Variants in H2BC12 observed in about 807,000 individuals in gnomAD.
H2BC12 encodes the protein H2B clustered histone 12.
In H2BC12, 6 loss-of-function variants were observed where a neutral mutation model predicts 6.3. That is an observed-to-expected ratio of 0.95 (90% CI 0.52 to 1.87). The LOEUF is 1.87. Among genes scored for constraint, H2BC12 ranks in the 40% most tolerant of loss-of-function variants. The pLI is 0.01. For missense variants in H2BC12, 119 were observed against 178.4 expected (o/e 0.67, Z 1.90); for synonymous variants, 132 against 78.5 (o/e 1.68, Z -3.60).
At chr6:27,145,432 G>A (rs1033076898), downstream of H2BC12, among the ~76,000 whole-genome samples, 2 of 151,610 alleles carry the variant, frequency 1.3e-5, no homozygotes, top group African/African-American at 4.8e-5. Flanking sequence ...CTTTCACTTG[G>A]TTCTTCCAAA....
chr6:27,143,076 G>A (rs1212533667), downstream of H2BC12, among the ~76,000 whole-genome samples: 5 of 152,194 alleles, frequency 3.3e-5, no homozygotes, highest in African/African-American at 7.2e-5. Flanking sequence ...GGCCCAGTGC[G>A]GTGGCTCACT....
chr6:27,139,863 G>C, the H2BC12 span: 8 of 592,780 alleles, frequency 1.3e-5, no homozygotes, highest in Non-Finnish European at 2.2e-5. Context: ...TCTGGCGGCT[G>C]CCTGGAAATT....
downstream of H2BC12, among the ~76,000 whole-genome samples, chr6:27,142,985 A>G (rs1340073038): frequency 6.6e-6 from 1 of 152,114 alleles, no homozygotes; most frequent in East Asian, 1.9e-4. Flanking sequence ...ACTGGCTTTC[A>G]GACACATACA....
chr6:27,139,474 C>A, the H2BC12 span: 1 of 1,614,054 alleles, frequency 6.2e-7, no homozygotes, highest in African/African-American at 1.3e-5. Context: ...TGAGGAGACC[C>A]GCGGAGTGTT....
chr6:27,139,202 GA>G, the H2BC12 span: 2 of 1,284,426 alleles, frequency 1.6e-6, no homozygotes, highest in Non-Finnish European at 2.1e-6. Context: ...AATGCAGAGG[GA>G]CTTCCCGCCA....
At chr6:27,144,602 T>G (rs905011700), downstream of H2BC12, among the ~76,000 whole-genome samples, 2 of 151,956 alleles carry the variant, frequency 1.3e-5, no homozygotes, top group Non-Finnish European at 2.9e-5. Flanking sequence ...ACAAATGCAC[T>G]TCCAGAATTT....
In H2BC12 at chr6:27,146,808, G is replaced by C; in HGVS notation, c.-10C>G. ...TCGCTGGTTCCGGCATGTTGAAGGCGAACTACGAGCCTGAGACGAGCAGCA... is the reference window on the plus strand; with the variant it reads ...TCGCTGGTTCCGGCATGTTGAAGGCCAACTACGAGCCTGAGACGAGCAGCA... On this transcript the variant is annotated 5_prime_UTR_variant, in exon 1 of 1. Transcript: ENST00000356950. 1 of 1,613,278 alleles carries C rather than the reference G, an allele frequency of 6.2e-7. No individual in the cohort carries two copies. Among genetic ancestry groups the C allele is most frequent in the Non-Finnish European group, 8.5e-7 (1 of 1,179,576 alleles).
chr6:27,139,372 G>A, the H2BC12 span: 1 of 1,614,216 alleles, frequency 6.2e-7, no homozygotes, highest in Non-Finnish European at 8.5e-7. Flanking sequence ...CCACCGCAAG[G>A]TGCTGCGCGA....
the H2BC12 span, chr6:27,139,863 GC>G: frequency 1.7e-6 from 1 of 592,898 alleles, no homozygotes; most frequent in Non-Finnish European, 2.8e-6. Flanking sequence ...TCTGGCGGCT[GC>G]CTGGAAATTG....
At chr6:27,141,892 T>C (rs1760010824), downstream of H2BC12, among the ~76,000 whole-genome samples, 4 of 152,198 alleles carry the variant, frequency 2.6e-5, no homozygotes, top group Admixed American at 2.6e-4. Flanking sequence ...TTCTGCTCAT[T>C]GAGTGTCTTA....
At chr6:27,140,514 G>A in the H2BC12 span, among the ~76,000 whole-genome samples, 1 of 151,916 alleles carries the variant, frequency 6.6e-6, no homozygotes, top group Non-Finnish European at 1.5e-5. Context: ...TCATTTCTCT[G>A]TTGATTTTTT....
chr6:27,139,408 G>A, the H2BC12 span: 1 of 1,614,246 alleles, frequency 6.2e-7, no homozygotes, highest in Non-Finnish European at 8.5e-7. Context: ...CACCAAGCCA[G>A]CCATTCGGCG....
chr6:27,142,644 T>TG (rs1287903704), downstream of H2BC12, among the ~76,000 whole-genome samples: 1 of 143,652 alleles, frequency 7.0e-6, no homozygotes, highest in Non-Finnish European at 1.5e-5. Flanking sequence ...TCCTTTTTTT[T>TG]TTTTTTTTTT....
chr6:27,146,493 C>T lies in H2BC12; in HGVS notation c.306G>A (p.Leu102=), dbSNP rs370409746. The T allele has an allele frequency of 3.1e-6, 5 of 1,614,254 alleles. No homozygotes were observed. Among genetic ancestry groups the T allele is most frequent in the Non-Finnish European group, 3.4e-6 (4 of 1,180,052 alleles). ...SREIQTAVRL[L]LPGELAKHAV... is the part of the protein sequence containing the mutation. ...CGTGCTTGGCCAACTCCCCGGGCAG[C>T]AGCAGGCGCACGGCCGTCTGGATCT... Residue 102 remains leucine (L), a synonymous_variant, in exon 1 of 1, where the codon CTG becomes CTA. Coordinates refer to ENST00000356950, the MANE Select transcript of H2BC12 (RefSeq NM_001312653.2).
At chr6:27,139,790 A>G in the H2BC12 span, 1 of 1,128,928 alleles carries the variant, frequency 8.9e-7, no homozygotes, top group South Asian at 1.8e-5. Context: ...TGGGCTGATG[A>G]CTACAGGTGA....
chr6:27,139,366 C>T, the H2BC12 span: 26 of 1,613,998 alleles, frequency 1.6e-5, no homozygotes, highest in Non-Finnish European at 1.8e-5. Context: ...CAAGCGCCAC[C>T]GCAAGGTGCT....
chr6:27,139,769 G>C, the H2BC12 span: 2 of 1,312,658 alleles, frequency 1.5e-6, no homozygotes, highest in East Asian at 2.6e-5. Flanking sequence ...AGATTAACTC[G>C]ACGCCGAAAA....
chr6:27,145,339 A>G (rs764362610), downstream of H2BC12, among the ~76,000 whole-genome samples: 1 of 115,572 alleles, frequency 8.7e-6, no homozygotes, highest in South Asian at 2.7e-4. Context: ...CACACACACA[A>G]AATTCCCCTG....
upstream of H2BC12, chr6:27,146,858 G>C (rs961438657): frequency 3.1e-6 from 5 of 1,587,466 alleles, no homozygotes; most frequent in Non-Finnish European, 3.4e-6. Context: ...GAAGTAATGG[G>C]AGCAAGGTAC....
Sources: gnomAD v4.1 joint callset for allele counts (sites outside exome capture counted in the v4.1 genomes callset) on GRCh38, gnomAD v4.1.1 for gene constraint, MANE v1.5 for transcripts, NCBI Gene and HGNC (gene_info 2026-07-23, HGNC 2026-07-21) for gene names.